The following PCGF3 variants were observed in gnomAD, a reference collection of about 807,000 sequenced individuals.
PCGF3 encodes the protein polycomb group RING finger protein 3.
Under a neutral mutation model 33.1 loss-of-function variants are expected in PCGF3, and 7 were observed. The observed-to-expected ratio is 0.21, with a 90% CI of 0.12 to 0.40. The LOEUF is 0.40. Among genes scored for constraint, PCGF3 ranks in the 10% least tolerant of loss-of-function variants. The pLI is 1.00. For missense variants in PCGF3, 211 were observed against 313.3 expected (o/e 0.67, Z 2.46); for synonymous variants, 153 against 121.3 (o/e 1.26, Z -1.72).
intron 7 of PCGF3, 74 bp from the exon 8 acceptor site, chr4:744,526 G>C (rs1473285108): frequency 9.1e-7 from 1 of 1,097,036 alleles, no homozygotes; most frequent in Non-Finnish European, 1.4e-6. Context: ...ACGGCATTTG[G>C]AGTACAGTGT....
intron 1 of PCGF3, among the ~76,000 whole-genome samples, chr4:712,219 C>T (rs923525886): frequency 6.6e-6 from 1 of 152,110 alleles, no homozygotes; most frequent in Non-Finnish European, 1.5e-5. Context: ...CCAGATCTGC[C>T]ACGTTTCTCC....
Position 750,100 on chromosome 4 carries a change from C to T in PCGF3, c.462+5412C>T, listed in dbSNP as rs551556455. The stretch of plus-strand genomic sequence containing the variant: ...GATTCCAGGCGTGAGCCCACGTGCC[C>T]GCCAAGTCTTTGTAAGCGCATTTCC... On this transcript the variant is annotated intron_variant, in intron 8 of 10. Coordinates refer to ENST00000362003, the Ensembl canonical transcript of PCGF3. Among the ~76,000 whole-genome samples, 5 of 151,862 alleles carry T rather than the reference C, an allele frequency of 3.3e-5. No homozygotes were observed. In the South Asian group the frequency reaches 6.2e-4, roughly 19 times the overall value.
At chr4:760,035 G>A (rs566703381) in intron 8 of PCGF3, among the ~76,000 whole-genome samples, 1 of 152,300 alleles carries the variant, frequency 6.6e-6, no homozygotes, top group African/African-American at 2.4e-5. Context: ...GCTTGCAGGC[G>A]GCCTCGCTCC....
chr4:762,994 A>G (rs1423413636), intron 9 of PCGF3, among the ~76,000 whole-genome samples: 5 of 151,978 alleles, frequency 3.3e-5, no homozygotes, highest in African/African-American at 1.2e-4. Context: ...GTGGTGGCAC[A>G]GAGCAGAGGC....
chr4:716,439 G>A (rs1233839735), intron 1 of PCGF3, among the ~76,000 whole-genome samples: 2 of 132,278 alleles, frequency 1.5e-5, no homozygotes, highest in East Asian at 5.1e-4. Context: ...ACTGGGCGTC[G>A]GTGCTGGGAC....
At chr4:751,855 C>G (rs557097486) in intron 8 of PCGF3, among the ~76,000 whole-genome samples, 108 of 152,220 alleles carry the variant, frequency 7.1e-4, no homozygotes, top group Non-Finnish European at 1.2e-3. Context: ...GGCTTCACAG[C>G]CGACCTCTTC....
At position 758,098 on chromosome 4, in the gene PCGF3, G is replaced by C. The variant is rs374141047; in HGVS notation, c.463-3181G>C. Reference sequence around the variant, plus strand: ...CAGCGGAATCGCTTGAACCCAGGAGGCGGAGGTTGCAGTGAGCCGAGATCG... The same window carrying C: ...CAGCGGAATCGCTTGAACCCAGGAGCCGGAGGTTGCAGTGAGCCGAGATCG... On this transcript the variant is annotated intron_variant, in intron 8 of 10. Coordinates refer to ENST00000362003, the Ensembl canonical transcript of PCGF3. Among the ~76,000 whole-genome samples, 114 of 150,438 alleles carry C rather than the reference G, an allele frequency of 7.6e-4. 1 individual carries two copies. In the South Asian group the frequency reaches 0.024, roughly 31 times the overall value.
At chr4:735,089 G>C in intron 5 of PCGF3, 62 bp downstream of exon 5, 1 of 1,548,504 alleles carries the variant, frequency 6.5e-7, no homozygotes, top group Non-Finnish European at 8.8e-7. Flanking sequence ...GTCTCTGTGT[G>C]TGGGCCTTCC....
At chr4:738,952 A>G (rs1040085541) in intron 6 of PCGF3, among the ~76,000 whole-genome samples, 1 of 152,064 alleles carries the variant, frequency 6.6e-6, no homozygotes, top group Non-Finnish European at 1.5e-5. Context: ...TTTTGTGACC[A>G]CCACCCCCCG....
At chr4:717,594 G>T (rs1742910751) in intron 1 of PCGF3, among the ~76,000 whole-genome samples, 1 of 152,224 alleles carries the variant, frequency 6.6e-6, no homozygotes, top group South Asian at 2.1e-4. Flanking sequence ...TGGCCAAGCT[G>T]CTCTCAAGCC....
exon 11 of PCGF3, chr4:767,283 G>C (rs974624856): frequency 6.6e-6 from 1 of 152,082 alleles, no homozygotes; most frequent in Non-Finnish European, 1.5e-5. Context: ...TCATGTTTTT[G>C]TCACATTAGA....
intron 1 of PCGF3, among the ~76,000 whole-genome samples, chr4:727,225 G>T (rs895644001): frequency 7.0e-6 from 1 of 142,452 alleles, no homozygotes; most frequent in East Asian, 2.1e-4. Context: ...GTGTGTGTTA[G>T]CGAGCGTCTT....
At chr4:709,763 A>C (rs948145507) in intron 1 of PCGF3, among the ~76,000 whole-genome samples, 1 of 152,236 alleles carries the variant, frequency 6.6e-6, no homozygotes, top group Non-Finnish European at 1.5e-5. Flanking sequence ...GTTACTTAGG[A>C]GAAAACCGTG....
chr4:751,963 A>G (rs1447776887), intron 8 of PCGF3, among the ~76,000 whole-genome samples: 1 of 152,254 alleles, frequency 6.6e-6, no homozygotes, highest in Non-Finnish European at 1.5e-5. Context: ...GCTCCTCTGA[A>G]TCTTCCTGAG....
rs1341253532 is a variant in PCGF3, at chr4:721,136, C to T, written c.-189-9494C>T. 2.6e-5 allele frequency among the ~76,000 whole-genome samples: 4 copies of T among 151,752 alleles called. No individual in the cohort carries two copies. Among genetic ancestry groups the T allele is most frequent in the Non-Finnish European group, 4.4e-5 (3 of 67,948 alleles). On this transcript the variant is annotated intron_variant, in intron 1 of 10. Coordinates refer to ENST00000362003, the Ensembl canonical transcript of PCGF3. The surrounding 1 kb of genome is among the most constrained non-coding windows in gnomAD (Gnocchi z 4.1). ...AACGCTGCTTGTCGGGCGGTGGTGA[C>T]GATTTCATGGATGTTTGTGAAACCA...
chr4:722,561 C>T, intron 1 of PCGF3: 3 of 271,838 alleles, frequency 1.1e-5, no homozygotes, highest in South Asian at 8.6e-5. Context: ...CACACTCAGT[C>T]ATCGCCCGTC....
At chr4:733,914 CA>C (rs779991240) in intron 4 of PCGF3, 125 bp downstream of exon 4, 80 of 1,574,106 alleles carry the variant, frequency 5.1e-5, no homozygotes, top group Non-Finnish European at 5.9e-5. Flanking sequence ...GAACCAGGAC[CA>C]GGGGCAGAGA....
intron 8 of PCGF3, among the ~76,000 whole-genome samples, chr4:748,000 C>T (rs1744339564): frequency 6.6e-6 from 1 of 152,050 alleles, no homozygotes; most frequent in Non-Finnish European, 1.5e-5. Context: ...TGTGCCTTTT[C>T]CTCCGGGCGC....
chr4:760,823 C>A (rs928972603), intron 8 of PCGF3, among the ~76,000 whole-genome samples: 1 of 152,268 alleles, frequency 6.6e-6, no homozygotes, highest in African/African-American at 2.4e-5. Context: ...TGCTGGTCAC[C>A]TGGAAGGCAG....
Sources: allele counts gnomAD v4.1 joint callset (sites outside exome capture counted in the v4.1 genomes callset), GRCh38; gene constraint gnomAD v4.1.1; non-coding constraint Gnocchi (gnomAD v3.1); transcripts MANE v1.5; gene names NCBI Gene and HGNC (gene_info 2026-07-23, HGNC 2026-07-21).